TAF3: variants seen among roughly 807,000 people sequenced by gnomAD.
TAF3 encodes the protein TATA-box binding protein associated factor 3.
A neutral mutation model predicts 80.6 loss-of-function variants in TAF3; 7 were observed. The observed-to-expected ratio is 0.09, with a 90% CI of 0.05 to 0.16. The LOEUF (loss-of-function observed/expected upper bound fraction) is 0.16, where lower values mean the gene tolerates loss of function less well. Ranked by LOEUF, TAF3 falls within the 10% of genes least tolerant of loss-of-function variation. TAF3 has a pLI of 1.00. For synonymous variants in TAF3, 444 were observed against 446.1 expected (o/e 1.00, Z 0.06); for missense variants, 921 against 1,140.2 (o/e 0.81, Z 2.77).
chr10:7,965,051 A>G lies in TAF3; in HGVS notation c.1541A>G (p.Lys514Arg). The change falls in exon 3 of 7, where the codon AAG becomes AGG. Residue 514 changes from lysine (K) to arginine (R), a missense_variant. By Grantham distance (26) the Lys-to-Arg change is conservative (BLOSUM62 2). Around this residue, in one of 6 missense-constraint regions of TAF3, gnomAD observed 743 missense variants for 821.0 expected, o/e 0.90. Transcript: ENST00000344293. ...CACAAGGTGTATGAGGAGAAAACCA[A>G]GCTGCCTTCCTCCGTGGAGGTAAAG... ...PLHKVYEEKT[K>R]LPSSVEVKKK... The G allele has an allele frequency of 1.9e-6, 3 of 1,614,090 alleles. No individual in the cohort carries two copies. The highest frequency in any genetic ancestry group is 2.5e-6 in the Non-Finnish European group (3 of 1,180,034).
intron 2 of TAF3, among the ~76,000 whole-genome samples, chr10:7,950,403 A>G (rs1162364459): frequency 6.6e-6 from 1 of 152,184 alleles, no homozygotes; most frequent in Non-Finnish European, 1.5e-5. Flanking sequence ...TCTCGAGCAG[A>G]AAGTTCCTCA....
chr10:8,000,594 C>T (rs1831934457), intron 4 of TAF3, among the ~76,000 whole-genome samples: 9 of 151,910 alleles, frequency 5.9e-5, no homozygotes, highest in Admixed American at 5.9e-4. Flanking sequence ...TAGCAAAACC[C>T]CGTCTCTACA....
At chr10:7,946,849 A>G (rs1838029128) in intron 2 of TAF3, among the ~76,000 whole-genome samples, 1 of 152,128 alleles carries the variant, frequency 6.6e-6, no homozygotes, top group African/African-American at 2.4e-5. Flanking sequence ...CTTTTTTTGT[A>G]TATTTGATGC....
chr10:7,908,774 G>A (rs1034461297), intron 2 of TAF3, among the ~76,000 whole-genome samples: 1 of 152,246 alleles, frequency 6.6e-6, no homozygotes, highest in East Asian at 1.9e-4. Flanking sequence ...AGACAGATTA[G>A]TTTGGATCTT....
chr10:8,014,724 C>A lies in TAF3; in HGVS notation c.2763C>A (p.His921Gln), dbSNP rs868072244. Residue 921 changes from histidine (H) to glutamine (Q), a missense_variant, in exon 7 of 7, where the codon CAC (histidine) becomes CAA (glutamine). By Grantham distance (24) the His-to-Gln change is conservative (BLOSUM62 0). Transcript: ENST00000344293. ...KCANKKKDKK[H>Q]KKRKHRAH ...CGAACAAGAAGAAGGACAAAAAGCACAAGAAGAGGAAGCATCGAGCCCACT... is the reference window on the plus strand; with the variant it reads ...CGAACAAGAAGAAGGACAAAAAGCAAAAGAAGAGGAAGCATCGAGCCCACT... 12 of 1,606,770 alleles carry A rather than the reference C, an allele frequency of 7.5e-6. No homozygotes were observed. The Admixed American group carries it at 2.0e-4, about 27-fold the overall frequency.
At chr10:7,969,253 C>T (rs1831600307) in intron 3 of TAF3, among the ~76,000 whole-genome samples, 1 of 151,926 alleles carries the variant, frequency 6.6e-6, no homozygotes, top group African/African-American at 2.4e-5. Context: ...GAGGATAGCA[C>T]CACTGCACTT....
chr10:7,991,036 G>A (rs1327212346), intron 4 of TAF3, among the ~76,000 whole-genome samples: 1 of 152,190 alleles, frequency 6.6e-6, no homozygotes, highest in African/African-American at 2.4e-5. Context: ...AGGAGCTGCA[G>A]TGACCTTCTC....
rs561170288 is a variant in TAF3 at position 7,824,604 on chromosome 10, G to C, written c.409+44G>C. On this transcript the variant is annotated intron_variant, in intron 2 of 6. Transcript: ENST00000344293. ...TTCATATGTTAGTGATTATTTTAAT[G>C]GATTTTTAATCCTCTTAGCTTTCCA... The C allele has an allele frequency of 2.5e-6, 4 of 1,592,918 alleles. No homozygotes were observed. The African/African-American group carries it at 5.4e-5, about 21-fold the overall frequency.
intron 2 of TAF3, among the ~76,000 whole-genome samples, chr10:7,840,602 G>A (rs1294711653): frequency 4.0e-5 from 6 of 151,496 alleles, no homozygotes; most frequent in East Asian, 3.9e-4. Flanking sequence ...CTGTGCTTAC[G>A]GTTTTTGGAA....
intron 4 of TAF3, among the ~76,000 whole-genome samples, chr10:7,993,862 G>T (rs901557777): frequency 6.6e-6 from 1 of 150,638 alleles, no homozygotes; most frequent in African/African-American, 2.5e-5. Context: ...TACAGGAGAG[G>T]CAGGATAAAT....
At chr10:8,001,470 C>T (rs1831942752) in intron 4 of TAF3, among the ~76,000 whole-genome samples, 1 of 152,054 alleles carries the variant, frequency 6.6e-6, no homozygotes, top group African/African-American at 2.4e-5. Context: ...TTTTTATTCA[C>T]AACAGCTGTT....
chr10:7,911,115 G>A (rs1442205873), intron 2 of TAF3, among the ~76,000 whole-genome samples: 1 of 152,194 alleles, frequency 6.6e-6, no homozygotes, highest in South Asian at 2.1e-4. Flanking sequence ...TGAAAGTGTA[G>A]TCTTGCTATC....
chr10:7,826,142 A>C (rs565787365), intron 2 of TAF3, among the ~76,000 whole-genome samples: 1 of 152,254 alleles, frequency 6.6e-6, no homozygotes, highest in Admixed American at 6.5e-5. Context: ...ACTGGACCTA[A>C]GTGGTAGGGA....
chr10:7,818,556 G>T lies in TAF3; in HGVS notation c.-154G>T. The T allele has an allele frequency of 1.3e-6, 1 of 756,582 alleles. No individual in the cohort carries two copies. Among genetic ancestry groups the T allele is most frequent in the Non-Finnish European group, 2.0e-6 (1 of 511,900 alleles). 46.9% of individuals were successfully genotyped at this position (756,582 alleles called of 1,614,324 possible). On this transcript the variant is annotated 5_prime_UTR_variant, in exon 1 of 7. Coordinates refer to ENST00000344293, the MANE Select transcript of TAF3 (RefSeq NM_031923.4). ...GGCGGCTCTCAGGCTGGCGCGCTCC[G>T]TGCTGCTGGGGCTTTGAGGTGGTCG...
At position 8,005,605 on chromosome 10, in the gene TAF3, C is replaced by T. The variant is rs140423926; in HGVS notation, c.2316-3473C>T. On this transcript the variant is annotated intron_variant, in intron 4 of 6. Transcript: ENST00000344293. ...AACCAAATATCAGACTTGCCTAATGCGTAAATGCCCTTGGGGTAAAGCATC... is the reference window on the plus strand; with the variant it reads ...AACCAAATATCAGACTTGCCTAATGTGTAAATGCCCTTGGGGTAAAGCATC... Among the ~76,000 whole-genome samples the T allele has an allele frequency of 2.9e-3, 437 of 152,326 alleles. 1 individual carries two copies. Among genetic ancestry groups the T allele is most frequent in the African/African-American group, 9.8e-3 (407 of 41,570 alleles).
chr10:7,904,072 C>T (rs1837584350), intron 2 of TAF3, among the ~76,000 whole-genome samples: 1 of 152,112 alleles, frequency 6.6e-6, no homozygotes, highest in African/African-American at 2.4e-5. Context: ...AGGGAAGCAG[C>T]AGTGCTAGAA....
chr10:7,843,522 A>T (rs1214177006), intron 2 of TAF3, among the ~76,000 whole-genome samples: 1 of 152,056 alleles, frequency 6.6e-6, no homozygotes, highest in Non-Finnish European at 1.5e-5. Flanking sequence ...CCTTAGTCAT[A>T]TTGAAGATGT....
At chr10:7,913,406 A>G (rs10795576) in intron 2 of TAF3, among the ~76,000 whole-genome samples, 81,929 of 152,130 alleles carry the variant, frequency 0.54, 24,087 homozygotes, top group East Asian at 0.71. Context: ...GATCCAGGCA[A>G]TACTTTGCAG....
Position 7,863,601 on chromosome 10 carries a change from C to G in TAF3, c.409+39041C>G, listed in dbSNP as rs1259824129. Among the ~76,000 whole-genome samples the G allele has an allele frequency of 1.1e-4, 10 of 89,066 alleles. No individual in the cohort carries two copies. In the Admixed American group the frequency reaches 1.4e-3, roughly 13 times the overall value. 58.4% of individuals were successfully genotyped at this position (89,066 alleles called of 152,430 possible). On this transcript the variant is annotated intron_variant, in intron 2 of 6. Coordinates refer to ENST00000344293, the MANE Select transcript of TAF3 (RefSeq NM_031923.4). The stretch of plus-strand genomic sequence containing the variant: ...CTCCAGCCTGATGACCAGAGCAAAA[C>G]TCTGTCTAAAAAAAAAAAAAAAAAA...
Sources: gnomAD v4.1 joint callset for allele counts (sites outside exome capture counted in the v4.1 genomes callset) on GRCh38, gnomAD v4.1.1 for gene constraint, gnomAD v4.1.1 regional missense constraint, MANE v1.5 for transcripts, NCBI Gene and HGNC (gene_info 2026-07-23, HGNC 2026-07-21) for gene names.